Variants in COBL observed in about 807,000 individuals in gnomAD.
The protein encoded by COBL is cordon-bleu WH2 repeat protein, also known as protein cordon-bleu.
Under a neutral mutation model 98.8 loss-of-function variants are expected in COBL, and 51 were observed. The observed-to-expected ratio is 0.52, with a 90% CI of 0.41 to 0.65. The LOEUF is 0.65. COBL is among the 30% of genes least tolerant of loss of function. The probability of loss-of-function intolerance (pLI) is 0.00; values close to 1 mark genes in which losing one functional copy is unlikely to be tolerated. For synonymous variants in COBL, 634 were observed against 651.7 expected (o/e 0.97, Z 0.41); for missense variants, 1,617 against 1,617.5 (o/e 1.00, Z 0.01).
intron 1 of COBL, among the ~76,000 whole-genome samples, chr7:51,285,276 C>T (rs1291641058): frequency 6.7e-6 from 1 of 149,594 alleles, no homozygotes; most frequent in Admixed American, 6.7e-5. Flanking sequence ...CTACACTGTA[C>T]AATAAGAAGA....
chr7:51,282,343 T>C (rs1360961047), intron 1 of COBL, among the ~76,000 whole-genome samples: 1 of 152,056 alleles, frequency 6.6e-6, no homozygotes, highest in African/African-American at 2.4e-5. Flanking sequence ...TCACTTTAAA[T>C]ATGATTATGT....
At chr7:51,230,073 C>T (rs1204065510) in intron 1 of COBL, among the ~76,000 whole-genome samples, 2 of 152,138 alleles carry the variant, frequency 1.3e-5, no homozygotes, top group Admixed American at 1.3e-4. Flanking sequence ...GTTGACCTCG[C>T]TCCCCCAGCA....
chr7:51,074,803 T>C (rs1792901015), intron 7 of COBL, among the ~76,000 whole-genome samples: 1 of 152,248 alleles, frequency 6.6e-6, no homozygotes, highest in Non-Finnish European at 1.5e-5. Context: ...AAATGGTTAG[T>C]AACCAGCTCT....
At chr7:51,262,229 G>C (rs1036759197) in intron 1 of COBL, among the ~76,000 whole-genome samples, 1 of 152,136 alleles carries the variant, frequency 6.6e-6, no homozygotes, top group African/African-American at 2.4e-5. Flanking sequence ...ACACAAGGCA[G>C]AAGAAGAAGT....
Position 51,054,553 on chromosome 7 carries a change from T to A in COBL, c.1097-10861A>T, listed in dbSNP as rs369610821. ...GAGAGGAGTGACTTTCTGATGTTTTTTCTCCATGGCATCTCCCTGCACTGG... is the reference window on the plus strand; with the variant it reads ...GAGAGGAGTGACTTTCTGATGTTTTATCTCCATGGCATCTCCCTGCACTGG... On this transcript the variant is annotated intron_variant, in intron 7 of 12. Transcript: ENST00000265136. 3.3e-5 allele frequency among the ~76,000 whole-genome samples: 5 copies of A among 152,270 alleles called. No individual in the cohort carries two copies. In the East Asian group the frequency reaches 5.8e-4, roughly 18 times the overall value.
intron 1 of COBL, among the ~76,000 whole-genome samples, 160 bp from the exon 2 acceptor site, chr7:51,220,104 A>G (rs1193544354): frequency 6.6e-6 from 1 of 152,194 alleles, no homozygotes; most frequent in Non-Finnish European, 1.5e-5. Context: ...AAAACTAATA[A>G]AGTAAACAAA....
chr7:51,282,221 T>C (rs914892265), intron 1 of COBL, among the ~76,000 whole-genome samples: 3 of 152,102 alleles, frequency 2.0e-5, no homozygotes, highest in Non-Finnish European at 4.4e-5. Context: ...CCTTCATTTA[T>C]GCAAATGATT....
chr7:51,255,073 T>G (rs55712336), intron 1 of COBL, among the ~76,000 whole-genome samples: 7,655 of 152,310 alleles, frequency 0.05, 413 homozygotes, highest in African/African-American at 0.13. Context: ...AAACACTAAA[T>G]CACAGGATCC....
chr7:51,246,255 G>A (rs1233938728), intron 1 of COBL, among the ~76,000 whole-genome samples: 1 of 152,168 alleles, frequency 6.6e-6, no homozygotes, highest in Admixed American at 6.5e-5. Context: ...ATTTGGACCA[G>A]GGAGACAAAT....
intron 1 of COBL, among the ~76,000 whole-genome samples, chr7:51,273,577 T>C (rs1369433440): frequency 6.6e-6 from 1 of 152,178 alleles, no homozygotes; most frequent in Non-Finnish European, 1.5e-5. Context: ...TTGTGACACC[T>C]GCTTCTGCCG....
chr7:51,105,595 A>ATTAGTATTTTATT (rs1796186387), intron 6 of COBL, among the ~76,000 whole-genome samples: 6 of 152,070 alleles, frequency 3.9e-5, no homozygotes, highest in African/African-American at 1.2e-4. Context: ...CTAAAAATAC[A>ATTAGTATTTTATT]AACAAATTAG....
At chr7:51,182,783 A>C (rs531504708) in intron 5 of COBL, among the ~76,000 whole-genome samples, 1 of 152,310 alleles carries the variant, frequency 6.6e-6, no homozygotes, top group East Asian at 1.9e-4. Context: ...AAACATGGAG[A>C]AAAGCACAAC....
intron 2 of COBL, among the ~76,000 whole-genome samples, chr7:51,211,753 G>C (rs981896778): frequency 2.6e-5 from 4 of 152,276 alleles, no homozygotes; most frequent in African/African-American, 9.6e-5. Flanking sequence ...GTCAAACAAA[G>C]AGTCAGGTAT....
intron 5 of COBL, among the ~76,000 whole-genome samples, chr7:51,157,430 G>A (rs1413033441): frequency 4.6e-5 from 7 of 152,188 alleles, no homozygotes; most frequent in Admixed American, 3.3e-4. Context: ...CAGTAGCACC[G>A]GCAAGGGGTT....
At chr7:51,119,604 A>T (rs1797573415) in intron 6 of COBL, among the ~76,000 whole-genome samples, 1 of 152,226 alleles carries the variant, frequency 6.6e-6, no homozygotes, top group African/African-American at 2.4e-5. Flanking sequence ...AGATTTTTGT[A>T]TCACAAATAC....
chr7:51,155,589 C>CAAA lies in COBL; in HGVS notation c.784-19261_784-19259dup, dbSNP rs58500324. ...TAGGTGACAGAGCAAGACTCCATCT[C>CAAA]AAAAAAAAAAAAAAAAAAAAAAAAA... is the stretch of plus-strand genomic sequence containing the variant. On this transcript the variant is annotated intron_variant, in intron 5 of 12. Transcript: ENST00000265136. 2.7e-3 allele frequency among the ~76,000 whole-genome samples: 82 copies of CAAA among 30,786 alleles called. 3 individuals are homozygous for CAAA. The highest frequency in any genetic ancestry group is 0.011 in the East Asian group (7 of 662). The allele number at this position is 30,786 out of a possible 152,430, so 20.2% of individuals were successfully genotyped here.
intron 7 of COBL, chr7:51,073,442 T>G (rs1792759849): frequency 1.6e-6 from 1 of 623,752 alleles, no homozygotes; most frequent in South Asian, 1.8e-5. Flanking sequence ...GAAATAAATA[T>G]CTGCCATTAT....
chr7:51,038,103 C>T (rs138768559), intron 8 of COBL, among the ~76,000 whole-genome samples: 328 of 152,284 alleles, frequency 2.2e-3, no homozygotes, highest in African/African-American at 7.7e-3. Flanking sequence ...CCACCTGCCT[C>T]GGCCTCTCAA....
chr7:51,278,481 A>G (rs1323577731), intron 1 of COBL, among the ~76,000 whole-genome samples: 1 of 148,766 alleles, frequency 6.7e-6, no homozygotes. Flanking sequence ...CCATGTTCTA[A>G]GTAATTCTCC....
Sources: gnomAD v4.1 joint callset for allele counts (sites outside exome capture counted in the v4.1 genomes callset) on GRCh38, gnomAD v4.1.1 for gene constraint, MANE v1.5 for transcripts, NCBI Gene and HGNC (gene_info 2026-07-23, HGNC 2026-07-21) for gene names.